The following MARCHF1 variants were observed in gnomAD, a reference collection of about 807,000 sequenced individuals.
The protein encoded by MARCHF1 is E3 ubiquitin-protein ligase MARCHF1.
A neutral mutation model predicts 54.2 loss-of-function variants in MARCHF1; 40 were observed. That is an observed-to-expected ratio of 0.74 (90% CI 0.57 to 0.96). The LOEUF is 0.96. Among genes scored for constraint, MARCHF1 ranks in the 40% least tolerant of loss-of-function variants. The pLI is 0.00. For missense variants in MARCHF1, 586 were observed against 656.5 expected (o/e 0.89, Z 1.17); for synonymous variants, 236 against 236.3 (o/e 1.00, Z 0.01).
At chr4:164,189,128 C>A in intron 1 of MARCHF1, 2 of 645,862 alleles carry the variant, frequency 3.1e-6, no homozygotes, top group Non-Finnish European at 5.7e-6. Context: ...AATGGAGATA[C>A]TCATCTGCGT....
rs1483057028 is a variant in MARCHF1 at position 163,958,248 on chromosome 4, T to TGTGTGTGTGTGTGTGTGTGTGTGTG, written c.-39+30252_-39+30253insCACACACACACACACACACACACAC. Among the ~76,000 whole-genome samples the TGTGTGTGTGTGTGTGTGTGTGTGTG allele has an allele frequency of 9.6e-4, 52 of 54,076 alleles. 1 individual carries two copies. The highest frequency in any genetic ancestry group is 1.1e-4 in the Non-Finnish European group (3 of 26,932). The allele number at this position is 54,076 out of a possible 152,430, so 35.5% of individuals were successfully genotyped here. A position where few individuals can be genotyped will look rare whatever the true frequency, so the allele number is the denominator to read the frequency against. On this transcript the variant is annotated intron_variant, in intron 3 of 9. Coordinates refer to ENST00000514618, the MANE Select transcript of MARCHF1 (RefSeq NM_001394959.1). ...CAAATGACTTTCAATCAAGTGAGTG[T>TGTGTGTGTGTGTGTGTGTGTGTGTG]GTGTGTGTGTGTGTGTGTGTGTGTT...
chr4:163,846,578 T>C (rs183944337), intron 4 of MARCHF1, among the ~76,000 whole-genome samples: 115 of 152,232 alleles, frequency 7.6e-4, no homozygotes, highest in African/African-American at 2.6e-3. Context: ...GTCATATGCA[T>C]TGGGGAAACT....
At chr4:164,265,696 G>A (rs1449501739) in intron 1 of MARCHF1, among the ~76,000 whole-genome samples, 1 of 151,870 alleles carries the variant, frequency 6.6e-6, no homozygotes, top group Non-Finnish European at 1.5e-5. Context: ...ATAACTCTTT[G>A]TCTCTTTCCC....
intron 1 of MARCHF1, among the ~76,000 whole-genome samples, chr4:164,274,971 C>T (rs60347670): frequency 0.046 from 6,968 of 151,330 alleles, 437 homozygotes; most frequent in African/African-American, 0.14. Context: ...CCACCACGCC[C>T]GGCCAGGGTA....
rs538095903 is a variant in MARCHF1 at position 164,109,683 on chromosome 4, A to G, written c.-248+1905T>C. ...TCAAGAAGCGCGTGACCAAAGCAAGATAACATTTCTTCTTGACTTTTAAAA... is the reference window on the plus strand; with the variant it reads ...TCAAGAAGCGCGTGACCAAAGCAAGGTAACATTTCTTCTTGACTTTTAAAA... On this transcript the variant is annotated intron_variant, in intron 2 of 9. Coordinates refer to ENST00000514618, the MANE Select transcript of MARCHF1 (RefSeq NM_001394959.1). Among the ~76,000 whole-genome samples the G allele has an allele frequency of 1.8e-4, 28 of 151,936 alleles. No individual in the cohort carries two copies. The South Asian group carries it at 2.5e-3, about 14-fold the overall frequency.
intron 2 of MARCHF1, among the ~76,000 whole-genome samples, chr4:164,044,676 T>C (rs6536776): frequency 0.52 from 78,716 of 151,860 alleles, 21,472 homozygotes; most frequent in African/African-American, 0.68. Context: ...CTTTCTATCT[T>C]TCTCTTTCTC....
At chr4:163,636,771 A>G (rs1411566887) in intron 5 of MARCHF1, among the ~76,000 whole-genome samples, 1 of 152,160 alleles carries the variant, frequency 6.6e-6, no homozygotes, top group African/African-American at 2.4e-5. Context: ...GAACCAAAAA[A>G]GAGCCTGCAT....
intron 4 of MARCHF1, among the ~76,000 whole-genome samples, chr4:163,704,557 T>C (rs1276053637): frequency 6.6e-6 from 1 of 151,704 alleles, no homozygotes; most frequent in Non-Finnish European, 1.5e-5. Flanking sequence ...TTTTTCAATA[T>C]TGAGCCAATA....
chr4:163,834,540 A>T (rs943670634), intron 4 of MARCHF1, among the ~76,000 whole-genome samples: 1 of 151,286 alleles, frequency 6.6e-6, no homozygotes, highest in East Asian at 1.9e-4. Flanking sequence ...TCATGCTGGT[A>T]CACTGCACCC....
At chr4:164,090,614 GA>G (rs961148624) in intron 2 of MARCHF1, among the ~76,000 whole-genome samples, 3 of 151,774 alleles carry the variant, frequency 2.0e-5, no homozygotes, top group Non-Finnish European at 4.4e-5. Context: ...ATTCATAACA[GA>G]AAAAACACAT....
At chr4:164,275,056 T>C (rs978678138) in intron 1 of MARCHF1, among the ~76,000 whole-genome samples, 1 of 151,496 alleles carries the variant, frequency 6.6e-6, no homozygotes, top group Non-Finnish European at 1.5e-5. Flanking sequence ...CCTTTAATAA[T>C]AATAACAATA....
At chr4:163,629,728 T>C (rs1742004948) in intron 5 of MARCHF1, among the ~76,000 whole-genome samples, 1 of 152,152 alleles carries the variant, frequency 6.6e-6, no homozygotes, top group South Asian at 2.1e-4. Context: ...AAATACCTAA[T>C]GTAGGTGAAG....
intron 4 of MARCHF1, among the ~76,000 whole-genome samples, chr4:163,724,525 C>T (rs980047027): frequency 6.6e-6 from 1 of 152,202 alleles, no homozygotes; most frequent in Non-Finnish European, 1.5e-5. Flanking sequence ...AACCACTACT[C>T]TCTTCAAAGC....
intron 2 of MARCHF1, among the ~76,000 whole-genome samples, chr4:164,037,373 T>G (rs1754027690): frequency 1.3e-5 from 2 of 152,196 alleles, no homozygotes; most frequent in African/African-American, 4.8e-5. Context: ...ATTACAATTA[T>G]AGTTAATGTT....
chr4:164,276,549 A>G (rs1364079185), intron 1 of MARCHF1, among the ~76,000 whole-genome samples: 2 of 151,346 alleles, frequency 1.3e-5, no homozygotes. Flanking sequence ...GTATATATAT[A>G]GTATATATAT....
intron 4 of MARCHF1, among the ~76,000 whole-genome samples, chr4:163,736,261 G>C (rs1320797471): frequency 6.6e-6 from 1 of 151,944 alleles, no homozygotes; most frequent in East Asian, 1.9e-4. Context: ...GGGGTTACTT[G>C]AACACAAGCA....
intron 1 of MARCHF1, among the ~76,000 whole-genome samples, chr4:164,239,482 T>G (rs1346025204): frequency 6.6e-6 from 1 of 152,112 alleles, no homozygotes; most frequent in Non-Finnish European, 1.5e-5. Context: ...TCCCTAGAGA[T>G]CTTCCTAATC....
chr4:163,963,633 A>G (rs1003791617), intron 3 of MARCHF1, among the ~76,000 whole-genome samples: 1 of 151,932 alleles, frequency 6.6e-6, no homozygotes, highest in Non-Finnish European at 1.5e-5. Context: ...CCCTTCCCTT[A>G]AATCAGGACT....
At chr4:163,674,431 T>C (rs1482012340) in intron 5 of MARCHF1, among the ~76,000 whole-genome samples, 1 of 152,190 alleles carries the variant, frequency 6.6e-6, no homozygotes, top group Admixed American at 6.5e-5. Context: ...TGCAGCCTCT[T>C]CCTTTCTAAA....
Sources: gnomAD v4.1 joint callset for allele counts (sites outside exome capture counted in the v4.1 genomes callset) on GRCh38, gnomAD v4.1.1 for gene constraint, MANE v1.5 for transcripts, NCBI Gene and HGNC (gene_info 2026-07-23, HGNC 2026-07-21) for gene names.